The following SLC4A3 variants were observed in gnomAD, a reference collection of about 807,000 sequenced individuals.
The protein encoded by SLC4A3 is solute carrier family 4 member 3, also known as anion exchange protein 3.
In SLC4A3, 47 loss-of-function variants were observed where a neutral mutation model predicts 114.2. The ratio of observed to expected loss-of-function variants is 0.41; its 90% CI spans 0.33 to 0.52. SLC4A3 has a LOEUF of 0.52. Ranked by LOEUF, SLC4A3 falls within the 20% of genes least tolerant of loss-of-function variation. The pLI, the probability that SLC4A3 is intolerant of heterozygous loss-of-function variation, is 0.21. For synonymous variants in SLC4A3, 693 were observed against 710.3 expected (o/e 0.98, Z 0.39); for missense variants, 1,312 against 1,668.3 (o/e 0.79, Z 3.72).
chr2:219,631,573 C>T lies in SLC4A3; in HGVS notation c.812-395C>T, dbSNP rs145589546. On this transcript the variant is annotated intron_variant, in intron 6 of 22. Transcript: ENST00000358055. This position sits in a 1 kb window ranked among gnomAD's most constrained non-coding sequence, Gnocchi z 6.3. ...GGGCTGTGTACCTTCGGGGAGGGGA[C>T]GTGGGTGTTGAGATAGGGTGCACGG... 5.9e-4 allele frequency: 581 copies of T among 982,124 alleles called. 1 individual carries two copies. In the African/African-American group the frequency reaches 7.9e-3, roughly 13 times the overall value. The allele number at this position is 982,124 out of a possible 1,614,324, so 60.8% of individuals were successfully genotyped here.
In SLC4A3 at chr2:219,635,487, C is replaced by T. The variant is rs767925893; in HGVS notation, c.1963C>T (p.Pro655Ser). The T allele has an allele frequency of 7.9e-5, 127 of 1,609,440 alleles. No homozygotes were observed. Among genetic ancestry groups the T allele is most frequent in the Admixed American group, 1.7e-4 (10 of 59,494 alleles). Residue 655 changes from proline to serine, a missense_variant, in exon 13 of 23, where the codon CCT (proline) becomes TCT (serine). Around this residue, in one of 4 missense-constraint regions of SLC4A3, gnomAD observed 771 missense variants for 977.7 expected, o/e 0.79. Coordinates refer to ENST00000358055, the MANE Select transcript of SLC4A3 (RefSeq NM_005070.4). ...GACCACACGGGGTGGCTACACGGCC[C>T]CTGGGAAAGGTCAGACCCTTGGAGG... ...EMTTRGGYTA[P>S]GKELSLELGG...
chr2:219,635,840 T>C lies in SLC4A3; in HGVS notation c.2140T>C (p.Phe714Leu), dbSNP rs1331604746. 1 of 1,577,338 alleles carries C rather than the reference T, an allele frequency of 6.3e-7. No individual in the cohort carries two copies. Among genetic ancestry groups the C allele is most frequent in the Admixed American group, 1.9e-5 (1 of 53,848 alleles). The change falls in exon 14 of 23, where the codon TTC becomes CTC. Residue 714 changes from phenylalanine (F) to leucine (L), a missense_variant. Transcript: ENST00000358055. ...CTCCCAGTGTGTGGCCGCTGTGCTC[T>C]TCATCTACTTCGCAGCCCTCAGCCC... ...LHSQCVAAVL[F>L]IYFAALSPAI...
rs1698786866 is a variant in SLC4A3, at chr2:219,628,215, C to T, written c.51+172C>T. On this transcript the variant is annotated intron_variant, in intron 2 of 22. Coordinates refer to ENST00000358055, the MANE Select transcript of SLC4A3 (RefSeq NM_005070.4). The surrounding 1 kb of genome is among the most constrained non-coding windows in gnomAD (Gnocchi z 4.8). ...TTTGATATTTTCCAGATCCGTAGCC[C>T]TCTCTCTTTACAAGCTCTGGGAGCC... Among the ~76,000 whole-genome samples the T allele has an allele frequency of 6.6e-6, 1 of 152,128 alleles. No individual in the cohort carries two copies. Among genetic ancestry groups the T allele is most frequent in the Non-Finnish European group, 1.5e-5 (1 of 67,996 alleles).
rs1263357171 is a variant in SLC4A3 at position 219,639,157 on chromosome 2, G to C, written c.3023+288G>C. ...CACCACTCTTTGCAGGGTGGCACTT[G>C]ACAGTGCTCAGAACACTCTAGCAGT... On this transcript the variant is annotated intron_variant, in intron 19 of 22. Transcript: ENST00000358055. This position sits in a 1 kb window ranked among gnomAD's most constrained non-coding sequence, Gnocchi z 5.9. Among the ~76,000 whole-genome samples the C allele has an allele frequency of 6.6e-6, 1 of 152,194 alleles. No individual in the cohort carries two copies. The highest frequency in any genetic ancestry group is 1.5e-5 in the Non-Finnish European group (1 of 68,040).
Position 219,636,893 on chromosome 2 carries a change from C to G in SLC4A3, c.2535+19C>G. 1 of 1,603,262 alleles carries G rather than the reference C, an allele frequency of 6.2e-7. No homozygotes were observed. Among genetic ancestry groups the G allele is most frequent in the South Asian group, 1.1e-5 (1 of 90,154 alleles). ...CTACAAGGTGGAGGTCCAGCGAGGT[C>G]TTGGGGGTGGCAGAGATGGAGGTGG... On this transcript the variant is annotated intron_variant, in intron 16 of 22. Transcript: ENST00000358055. This position sits in a 1 kb window ranked among gnomAD's most constrained non-coding sequence, Gnocchi z 5.5.
chr2:219,634,147 G>A (rs748028189), intron 11 of SLC4A3, among the ~76,000 whole-genome samples, 168 bp downstream of exon 11: 10 of 152,214 alleles, frequency 6.6e-5, no homozygotes, highest in Admixed American at 3.9e-4. Context: ...CCTTTCTTTC[G>A]TAGTCCCCTG....
chr2:219,627,975 CCAG>C lies in SLC4A3; in HGVS notation c.-16_-14del. The C allele has an allele frequency of 6.2e-7, 1 of 1,601,268 alleles. No homozygotes were observed. Among genetic ancestry groups the C allele is most frequent in the South Asian group, 1.1e-5 (1 of 90,172 alleles). ...GGTCCCCTAGTGAGCGAGAGCGTCCCCAGCCGCCTACCTGGCCATGGCCAACGG... is the reference window on the plus strand; with the variant it reads ...GGTCCCCTAGTGAGCGAGAGCGTCCCCCGCCTACCTGGCCATGGCCAACGG... On this transcript the variant is annotated 5_prime_UTR_variant, in exon 2 of 23. Coordinates refer to ENST00000358055, the MANE Select transcript of SLC4A3 (RefSeq NM_005070.4).
In SLC4A3 at chr2:219,633,465, C is replaced by G. The variant is rs1699010105; in HGVS notation, c.1461+8C>G. 1 of 1,521,190 alleles carries G rather than the reference C, an allele frequency of 6.6e-7. No individual in the cohort carries two copies. Among genetic ancestry groups the G allele is most frequent in the Non-Finnish European group, 8.8e-7 (1 of 1,134,568 alleles). 94.2% of individuals were successfully genotyped at this position (1,521,190 alleles called of 1,614,324 possible). On this transcript the variant is annotated splice_region_variant and intron_variant, in intron 10 of 22. Transcript: ENST00000358055. ...GACCCTGACGCCAAGGAGGTCAGTG[C>G]CCTTGCTTTGGCTTGGGCCAGGGGA...
In SLC4A3 at chr2:219,638,156, C is replaced by T. The variant is rs761813118; in HGVS notation, c.2767-8C>T. ...TTTTGCTCCCTTCCCCAACTGGCCC[C>T]TCTCAAGGCTCGTCGCATCATCGGG... On this transcript the variant is annotated splice_region_variant and splice_polypyrimidine_tract_variant and intron_variant, in intron 17 of 22. Coordinates refer to ENST00000358055, the MANE Select transcript of SLC4A3 (RefSeq NM_005070.4). This position sits in a 1 kb window ranked among gnomAD's most constrained non-coding sequence, Gnocchi z 7.5. The T allele has an allele frequency of 6.2e-7, 1 of 1,607,850 alleles. No individual in the cohort carries two copies. The highest frequency in any genetic ancestry group is 1.7e-5 in the Admixed American group (1 of 59,504).
At position 219,638,140 on chromosome 2, in the gene SLC4A3, C is replaced by T. The variant is rs769536072; in HGVS notation, c.2767-24C>T. ...TGACCTTGCCTCCACCTTTTGCTCC[C>T]TTCCCCAACTGGCCCCTCTCAAGGC... is the stretch of plus-strand genomic sequence containing the variant. On this transcript the variant is annotated intron_variant, in intron 17 of 22. Transcript: ENST00000358055. The surrounding 1 kb of genome is among the most constrained non-coding windows in gnomAD (Gnocchi z 7.5). The T allele has an allele frequency of 1.6e-5, 25 of 1,589,630 alleles. No individual in the cohort carries two copies. In the Admixed American group the frequency reaches 1.9e-4, roughly 12 times the overall value.
At position 219,638,968 on chromosome 2, in the gene SLC4A3, C is replaced by A; in HGVS notation, c.3023+99C>A. On this transcript the variant is annotated intron_variant, in intron 19 of 22. Transcript: ENST00000358055. This position sits in a 1 kb window ranked among gnomAD's most constrained non-coding sequence, Gnocchi z 7.5. ...ATAGCAGGGACATCATTATCAGTAT[C>A]AGGGTGCTGGGTGGTGGGAGCTGGT... The A allele has an allele frequency of 7.5e-7, 1 of 1,336,900 alleles. No homozygotes were observed. Among genetic ancestry groups the A allele is most frequent in the Non-Finnish European group, 1.0e-6 (1 of 957,870 alleles). 82.8% of individuals were successfully genotyped at this position (1,336,900 alleles called of 1,614,324 possible).
chr2:219,632,800 G>GAGGCATGC, intron 8 of SLC4A3, 74 bp from the exon 9 acceptor site: 1 of 1,583,810 alleles, frequency 6.3e-7, no homozygotes. Context: ...GCTTTTGGGG[G>GAGGCATGC]GCAAGGCAGA....
Position 219,640,541 on chromosome 2 carries a change from G to C in SLC4A3, c.3389G>C (p.Arg1130Pro). The C allele has an allele frequency of 6.2e-7, 1 of 1,614,160 alleles. No homozygotes were observed. The highest frequency in any genetic ancestry group is 8.5e-7 in the Non-Finnish European group (1 of 1,180,030). The stretch of plus-strand genomic sequence containing the variant: ...CTGTCTGGTATCCAGCTGTCCCAGC[G>C]TTTGTTGCTCATCCTCATGCCGGCA... ...TSLSGIQLSQ[R>P]LLLILMPAKH... Residue 1130 changes from arginine (R) to proline (P), a missense_variant, in exon 21 of 23, where the codon CGT (arginine) becomes CCT (proline). Transcript: ENST00000358055.
chr2:219,636,724 G>A lies in SLC4A3; in HGVS notation c.2385G>A (p.Trp795Ter), dbSNP rs1267376665. The change falls in exon 16 of 23, where the codon TGG becomes TGA. Residue 795 changes from tryptophan (W) to a stop codon, truncating the protein, a stop_gained. Coordinates refer to ENST00000358055, the MANE Select transcript of SLC4A3 (RefSeq NM_005070.4). LOFTEE classifies it high-confidence loss of function. The surrounding 1 kb of genome is among the most constrained non-coding windows in gnomAD (Gnocchi z 5.5). The part of the protein sequence containing the change: ...QDLEYLTGRV[W>*]VGLWLVVFVL... ...TGGAGTACCTCACTGGCCGGGTGTG[G>A]GTTGGTCTCTGGCTGGTGGTCTTCG... The A allele has an allele frequency of 1.2e-6, 2 of 1,613,978 alleles. No individual in the cohort carries two copies. The highest frequency in any genetic ancestry group is 1.3e-5 in the African/African-American group (1 of 74,924).
chr2:219,635,556 G>A, intron 13 of SLC4A3, 60 bp downstream of exon 13: 1 of 1,508,550 alleles, frequency 6.6e-7, no homozygotes, highest in Non-Finnish European at 9.0e-7. Context: ...GGGCCCTAAG[G>A]CTGTGACCCC....
Position 219,641,588 on chromosome 2 carries a change from C to G in SLC4A3, c.3622-63C>G. 7.5e-7 allele frequency: 1 copy of G among 1,325,524 alleles called. No homozygotes were observed. Among genetic ancestry groups the G allele is most frequent in the Non-Finnish European group, 1.1e-6 (1 of 919,824 alleles). 82.1% of individuals were successfully genotyped at this position (1,325,524 alleles called of 1,614,324 possible). A position where few individuals can be genotyped will look rare whatever the true frequency, so the allele number is the denominator to read the frequency against. ...GGAGGGCTGCAGGTTGGAGGAGGAG[C>G]TGGAGAATGGGAGGGGACGAGCATG... On this transcript the variant is annotated intron_variant, in intron 22 of 22. Transcript: ENST00000358055. The surrounding 1 kb of genome is among the most constrained non-coding windows in gnomAD (Gnocchi z 4.0).
chr2:219,640,247 C>T (rs575866350), intron 20 of SLC4A3, among the ~76,000 whole-genome samples, 183 bp from the exon 21 acceptor site: 1 of 119,430 alleles, frequency 8.4e-6, no homozygotes, highest in Admixed American at 1.1e-4. Flanking sequence ...GCCCCTCCTT[C>T]TCTTGTTCAG....
At position 219,641,502 on chromosome 2, in the gene SLC4A3, G is replaced by T. The variant is rs1230090572; in HGVS notation, c.3622-149G>T. On this transcript the variant is annotated intron_variant, in intron 22 of 22. Transcript: ENST00000358055. This position sits in a 1 kb window ranked among gnomAD's most constrained non-coding sequence, Gnocchi z 4.0. ...GGTGACCTGAAGGCTTTGGCCAAGG[G>T]CAGTGCTGCCACCCAGGGTCATGGT... 1 of 662,926 alleles carries T rather than the reference G, an allele frequency of 1.5e-6. No homozygotes were observed. The highest frequency in any genetic ancestry group is 2.7e-6 in the Non-Finnish European group (1 of 366,254). The allele number at this position is 662,926 out of a possible 1,614,324, so 41.1% of individuals were successfully genotyped here. A position where few individuals can be genotyped will look rare whatever the true frequency, so the allele number is the denominator to read the frequency against.
chr2:219,632,450 C>A lies in SLC4A3; in HGVS notation c.1141+8C>A. 1.3e-6 allele frequency: 2 copies of A among 1,579,638 alleles called. No homozygotes were observed. The highest frequency in any genetic ancestry group is 1.7e-6 in the Non-Finnish European group (2 of 1,162,864). On this transcript the variant is annotated splice_region_variant and intron_variant, in intron 8 of 22. Coordinates refer to ENST00000358055, the MANE Select transcript of SLC4A3 (RefSeq NM_005070.4). ...GGAGGACCATCGCCCATGGTAGGGA[C>A]CCCCAGGCCTGGCCCGAGGCTGCAA...
Sources: allele counts gnomAD v4.1 joint callset (sites outside exome capture counted in the v4.1 genomes callset), GRCh38; gene constraint gnomAD v4.1.1; regional missense constraint gnomAD v4.1.1; non-coding constraint Gnocchi (gnomAD v3.1); transcripts MANE v1.5; gene names NCBI Gene and HGNC (gene_info 2026-07-23, HGNC 2026-07-21).